MAPK10: variants seen among roughly 807,000 people sequenced by gnomAD.
The protein encoded by MAPK10 is JNK3 alpha protein kinase.
Under a neutral mutation model 59.3 loss-of-function variants are expected in MAPK10, and 25 were observed. The observed-to-expected ratio is 0.42, with a 90% CI of 0.31 to 0.59. The LOEUF (loss-of-function observed/expected upper bound fraction) is 0.59. Ranked by LOEUF, MAPK10 falls within the 20% of genes least tolerant of loss-of-function variation. MAPK10 has a pLI of 0.15. For synonymous variants in MAPK10, 190 were observed against 200.5 expected (o/e 0.95, Z 0.44); for missense variants, 351 against 568.9 (o/e 0.62, Z 3.90).
At chr4:86,452,366 TTCACTC>T (rs1174642836) in intron 1 of MAPK10, among the ~76,000 whole-genome samples, 3 of 152,302 alleles carry the variant, frequency 2.0e-5, no homozygotes, top group Admixed American at 6.5e-5. Flanking sequence ...AATATTCACT[TTCACTC>T]TAAGCATGCA....
At chr4:86,397,882 A>C (rs892960564) in intron 1 of MAPK10, among the ~76,000 whole-genome samples, 121 of 151,568 alleles carry the variant, frequency 8.0e-4, no homozygotes, top group South Asian at 3.3e-3. Flanking sequence ...AAAAAAAAAA[A>C]AAAAAAAACT....
intron 1 of MAPK10, among the ~76,000 whole-genome samples, chr4:86,505,287 C>T (rs1482002036): frequency 6.6e-6 from 1 of 152,012 alleles, no homozygotes; most frequent in Non-Finnish European, 1.5e-5. Flanking sequence ...CCCATGTACC[C>T]CCTGAATCTA....
At chr4:86,171,498 T>C (rs1029877499) in intron 3 of MAPK10, among the ~76,000 whole-genome samples, 5 of 151,850 alleles carry the variant, frequency 3.3e-5, no homozygotes, top group African/African-American at 4.9e-5. Context: ...ATTTAACAAA[T>C]GGTGCTGGGG....
At chr4:86,195,524 C>T (rs1227303298) in intron 2 of MAPK10, among the ~76,000 whole-genome samples, 1 of 152,186 alleles carries the variant, frequency 6.6e-6, no homozygotes, top group Non-Finnish European at 1.5e-5. Flanking sequence ...CTGTTTGTCA[C>T]AGGCCGTCTG....
intron 1 of MAPK10, among the ~76,000 whole-genome samples, chr4:86,539,614 C>G (rs1482188213): frequency 6.6e-6 from 1 of 152,134 alleles, no homozygotes; most frequent in Non-Finnish European, 1.5e-5. Context: ...CTAATGAGGG[C>G]TGCAAGAGGC....
rs1431753084 is a variant in MAPK10, at chr4:86,356,521, T to A, written c.-121-1877A>T. On this transcript the variant is annotated intron_variant, in intron 1 of 13. Coordinates refer to ENST00000641462, the MANE Select transcript of MAPK10 (RefSeq NM_138982.4). ...CACAATAAGAAATACAGCTTCTCCCTATTAAATACAGAAAACAAAAGATAT... is the reference window on the plus strand; with the variant it reads ...CACAATAAGAAATACAGCTTCTCCCAATTAAATACAGAAAACAAAAGATAT... 1.6e-5 allele frequency: 14 copies of A among 889,796 alleles called. No homozygotes were observed. The African/African-American group carries it at 2.5e-4, about 16-fold the overall frequency. 55.1% of individuals were successfully genotyped at this position (889,796 alleles called of 1,614,324 possible).
intron 2 of MAPK10, among the ~76,000 whole-genome samples, chr4:86,211,347 G>A (rs1023059453): frequency 6.6e-6 from 1 of 152,100 alleles, no homozygotes; most frequent in Non-Finnish European, 1.5e-5. Context: ...AAGTGATTCA[G>A]CACATACAAG....
intron 11 of MAPK10, among the ~76,000 whole-genome samples, chr4:86,047,427 G>A (rs756764833): frequency 2.0e-5 from 3 of 152,094 alleles, no homozygotes; most frequent in South Asian, 4.1e-4. Flanking sequence ...TAAGGAAACC[G>A]CAAGGATGCC....
chr4:86,066,485 C>T (rs2046754472), intron 10 of MAPK10, among the ~76,000 whole-genome samples: 1 of 148,490 alleles, frequency 6.7e-6, no homozygotes, highest in Non-Finnish European at 1.5e-5. Context: ...TGGGGTTAGC[C>T]GGGCGTGGTC....
In MAPK10 at chr4:86,503,659, T is replaced by TA. The variant is rs368631038; in HGVS notation, c.-263+90250dup. Among the ~76,000 whole-genome samples the TA allele has an allele frequency of 1.3e-3, 194 of 152,258 alleles. 1 individual carries two copies. Among genetic ancestry groups the TA allele is most frequent in the African/African-American group, 4.5e-3 (186 of 41,560 alleles). ...TTGGTCCCTTGCTTCAACGCTTACC[T>TA]AATAATCTATTTCACAAACAGCCAT... On this transcript the variant is annotated intron_variant, in intron 1 of 4. Transcript: ENST00000502302.
chr4:86,075,648 C>T (rs2049158982), intron 9 of MAPK10, among the ~76,000 whole-genome samples: 1 of 151,772 alleles, frequency 6.6e-6, no homozygotes, highest in African/African-American at 2.4e-5. Flanking sequence ...TTGGAATACC[C>T]TGCTGTGTGA....
intron 1 of MAPK10, among the ~76,000 whole-genome samples, chr4:86,568,476 T>C (rs994348584): frequency 2.0e-5 from 3 of 152,116 alleles, no homozygotes; most frequent in African/African-American, 4.8e-5. Context: ...ACGGCCCAAG[T>C]AGCCAAAGCA....
At chr4:86,324,317 A>C (rs1168177828) in intron 2 of MAPK10, among the ~76,000 whole-genome samples, 1 of 152,126 alleles carries the variant, frequency 6.6e-6, no homozygotes, top group East Asian at 1.9e-4. Context: ...AGGCTGAGGC[A>C]GGAGAATCAT....
chr4:86,265,893 C>T (rs1384412592), intron 2 of MAPK10, among the ~76,000 whole-genome samples: 1 of 152,174 alleles, frequency 6.6e-6, no homozygotes, highest in African/African-American at 2.4e-5. Context: ...ACCGCTTCTG[C>T]ATGAATCCTA....
chr4:86,470,162 A>G (rs17011924), intron 1 of MAPK10, among the ~76,000 whole-genome samples: 51,192 of 152,072 alleles, frequency 0.34, 8,686 homozygotes, highest in Admixed American at 0.35. Context: ...AGCTGTTCTT[A>G]TTCTAAATCC....
intron 1 of MAPK10, among the ~76,000 whole-genome samples, chr4:86,520,951 A>G (rs111480076): frequency 0.047 from 7,132 of 152,294 alleles, 221 homozygotes; most frequent in African/African-American, 0.059. Flanking sequence ...GCAAAGAGTC[A>G]TGTGATGTGA....
intron 1 of MAPK10, among the ~76,000 whole-genome samples, chr4:86,530,041 C>T (rs1289124630): frequency 2.0e-5 from 3 of 150,124 alleles, no homozygotes; most frequent in African/African-American, 7.3e-5. Context: ...TATTAATCTA[C>T]TCAAGGGGCT....
chr4:86,509,545 A>C (rs997849261), intron 1 of MAPK10, among the ~76,000 whole-genome samples: 1 of 152,122 alleles, frequency 6.6e-6, no homozygotes, highest in Non-Finnish European at 1.5e-5. Context: ...ATCAGCAAAC[A>C]AAAGAAAGAT....
At chr4:86,406,110 C>A (rs1744329078) in intron 1 of MAPK10, among the ~76,000 whole-genome samples, 1 of 152,088 alleles carries the variant, frequency 6.6e-6, no homozygotes, top group Non-Finnish European at 1.5e-5. Context: ...AAAGGAGAGA[C>A]CTATATATGG....
Sources: gnomAD v4.1 joint callset for allele counts (sites outside exome capture counted in the v4.1 genomes callset) on GRCh38, gnomAD v4.1.1 for gene constraint, MANE v1.5 for transcripts, NCBI Gene and HGNC (gene_info 2026-07-23, HGNC 2026-07-21) for gene names.